USH2A: variants seen among roughly 807,000 people sequenced by gnomAD.
USH2A encodes usherin, also known as Usher syndrome 2A (autosomal recessive, mild).
USH2A carries 443 observed loss-of-function variants against 538.9 expected under a neutral mutation model. The ratio of observed to expected loss-of-function variants is 0.82; its 90% CI spans 0.76 to 0.89. The LOEUF (loss-of-function observed/expected upper bound fraction) is 0.89. Among genes scored for constraint, USH2A ranks in the 40% least tolerant of loss-of-function variants. The pLI is 0.00. For synonymous variants in USH2A, 2,413 were observed against 2,273.5 expected (o/e 1.06, Z -1.75); for missense variants, 6,633 against 6,324.8 (o/e 1.05, Z -1.65).
chr1:215,876,009 G>C (rs896126496), intron 43 of USH2A, among the ~76,000 whole-genome samples: 5 of 149,626 alleles, frequency 3.3e-5, no homozygotes, highest in African/African-American at 1.2e-4. Context: ...CGGGGGGAAG[G>C]GTTCCTCCAC....
At chr1:216,229,709 C>G (rs2035638404) in intron 14 of USH2A, among the ~76,000 whole-genome samples, 2 of 152,258 alleles carry the variant, frequency 1.3e-5, no homozygotes, top group South Asian at 2.1e-4. Context: ...TTTATGTAAA[C>G]ATTTAAATCC....
intron 36 of USH2A, among the ~76,000 whole-genome samples, chr1:215,969,623 G>A (rs917843594): frequency 2.0e-5 from 3 of 151,814 alleles, no homozygotes; most frequent in African/African-American, 7.3e-5. Flanking sequence ...ATCCATCAGA[G>A]GGGTCTGGGC....
chr1:215,776,258 C>T (rs998504801), intron 55 of USH2A, among the ~76,000 whole-genome samples: 15 of 152,202 alleles, frequency 9.9e-5, no homozygotes, highest in African/African-American at 3.6e-4. Flanking sequence ...ATGGCTGCTA[C>T]TCCTTCGTCC....
intron 64 of USH2A, among the ~76,000 whole-genome samples, chr1:215,654,833 C>T (rs977668579): frequency 6.6e-6 from 1 of 152,060 alleles, no homozygotes; most frequent in Non-Finnish European, 1.5e-5. Flanking sequence ...GCTTGTTGTT[C>T]ATTAAAAAAA....
chr1:215,775,405 C>T (rs1436661043), intron 55 of USH2A, among the ~76,000 whole-genome samples: 1 of 152,174 alleles, frequency 6.6e-6, no homozygotes, highest in Non-Finnish European at 1.5e-5. Context: ...CCATTCAAAA[C>T]AGAATGTAGT....
chr1:216,130,592 A>C (rs2033354155), intron 21 of USH2A, among the ~76,000 whole-genome samples: 1 of 146,666 alleles, frequency 6.8e-6, no homozygotes, highest in African/African-American at 2.5e-5. Context: ...AATACACATT[A>C]TATATCATGT....
At chr1:216,118,403 T>C (rs1282243728) in intron 21 of USH2A, among the ~76,000 whole-genome samples, 1 of 152,154 alleles carries the variant, frequency 6.6e-6, no homozygotes, top group African/African-American at 2.4e-5. Flanking sequence ...AACCAGCAGC[T>C]TGAGCCATCT....
chr1:216,079,655 T>C (rs2031868732), intron 26 of USH2A, among the ~76,000 whole-genome samples: 1 of 152,150 alleles, frequency 6.6e-6, no homozygotes. Context: ...GTTTGGTGTC[T>C]GTCTGAAACC....
At chr1:215,868,744 A>C (rs569096545) in intron 43 of USH2A, among the ~76,000 whole-genome samples, 3 of 152,336 alleles carry the variant, frequency 2.0e-5, no homozygotes, top group African/African-American at 7.2e-5. Context: ...TTATAGACAC[A>C]TGGATACACA....
intron 11 of USH2A, among the ~76,000 whole-genome samples, chr1:216,258,488 T>C (rs2036301047): frequency 6.6e-6 from 1 of 152,052 alleles, no homozygotes; most frequent in Non-Finnish European, 1.5e-5. Context: ...GCTCTGTAGA[T>C]CTGTGAAATT....
Position 215,836,565 on chromosome 1 carries a change from A to ATTT in USH2A, c.9371+1423_9371+1425dup, listed in dbSNP as rs71159886. ...ATAATATATATATATATATATATAT[A>ATTT]TTTTTTTTTGAGACAGAGTATCACT... On this transcript the variant is annotated intron_variant, in intron 47 of 71. Transcript: ENST00000307340. Among the ~76,000 whole-genome samples, 126 of 32,860 alleles carry ATTT rather than the reference A, an allele frequency of 3.8e-3. 21 individuals carry two copies. In the East Asian group the frequency reaches 0.055, roughly 14 times the overall value. 21.6% of individuals were successfully genotyped at this position (32,860 alleles called of 152,430 possible). A position where few individuals can be genotyped will look rare whatever the true frequency, so the allele number is the denominator to read the frequency against.
chr1:215,650,853 GAAA>G (rs371744542), intron 64 of USH2A, 52 bp from the exon 65 acceptor site: 1,446 of 1,221,594 alleles, frequency 1.2e-3, no homozygotes, highest in East Asian at 1.3e-3. Flanking sequence ...CTAAGGCTGG[GAAA>G]AAAAAAAAAA....
At chr1:216,212,504 A>C (rs147413284) in intron 15 of USH2A, among the ~76,000 whole-genome samples, 1 of 152,286 alleles carries the variant, frequency 6.6e-6, no homozygotes, top group Non-Finnish European at 1.5e-5. Context: ...AGAGTATAAT[A>C]TTGTGACTAG....
chr1:216,208,742 C>T (rs1341108378), intron 15 of USH2A, among the ~76,000 whole-genome samples: 1 of 152,114 alleles, frequency 6.6e-6, no homozygotes, highest in Non-Finnish European at 1.5e-5. Context: ...CAGAATTCAT[C>T]AACAAAGGGA....
At chr1:216,247,555 C>T (rs896442708) in intron 12 of USH2A, among the ~76,000 whole-genome samples, 5 of 152,014 alleles carry the variant, frequency 3.3e-5, no homozygotes, top group Non-Finnish European at 5.9e-5. Context: ...AACAAATGTG[C>T]TCATTTAAAA....
In USH2A at chr1:215,680,275, C is replaced by G; in HGVS notation, c.12168G>C (p.Trp4056Cys). ...ANHAGEILSP[W>C]TLIQTLESSP... is the part of the protein sequence containing the mutation. ...AAGATTCTAAGGTTTGAATCAGAGT[C>G]CAAGGGCTTAAAATTTCTCCTGCAT... is the stretch of plus-strand genomic sequence containing the variant. Residue 4056 changes from tryptophan (W) to cysteine (C), a missense_variant, in exon 62 of 72, where the codon TGG (tryptophan) becomes TGC (cysteine). Physicochemically the swap from Trp to Cys is radical, Grantham distance 215. Coordinates refer to ENST00000307340, the MANE Select transcript of USH2A (RefSeq NM_206933.4). The G allele has an allele frequency of 6.2e-7, 1 of 1,614,128 alleles. No homozygotes were observed. Among genetic ancestry groups the G allele is most frequent in the Non-Finnish European group, 8.5e-7 (1 of 1,179,998 alleles).
intron 7 of USH2A, 80 bp downstream of exon 7, chr1:216,324,088 C>G (rs2037675828): frequency 6.7e-6 from 10 of 1,489,820 alleles, no homozygotes; most frequent in Non-Finnish European, 8.2e-6. Context: ...GAAGTCTCCA[C>G]CAGCCTAGAG....
rs572974046 is a variant in USH2A at position 216,031,576 on chromosome 1, A to T, written c.6325+14855T>A. Among the ~76,000 whole-genome samples, 3 of 152,258 alleles carry T rather than the reference A, an allele frequency of 2.0e-5. No individual in the cohort carries two copies. In the East Asian group the frequency reaches 5.8e-4, roughly 29 times the overall value. On this transcript the variant is annotated intron_variant, in intron 32 of 71. Transcript: ENST00000307340. ...ACCCACTTGTCCTTATGCCTGCTAA[A>T]TGGAGAAAACAGCTACACAGACTCA...
chr1:215,880,713 G>T (rs1182210603), intron 41 of USH2A, among the ~76,000 whole-genome samples: 3 of 150,076 alleles, frequency 2.0e-5, no homozygotes. Flanking sequence ...AGCTATCACA[G>T]CTAAATTCAA....
Sources: gnomAD v4.1 joint callset for allele counts (sites outside exome capture counted in the v4.1 genomes callset) on GRCh38, gnomAD v4.1.1 for gene constraint, MANE v1.5 for transcripts, NCBI Gene and HGNC (gene_info 2026-07-23, HGNC 2026-07-21) for gene names.